The following APH1B variants were observed in gnomAD, a reference collection of about 807,000 sequenced individuals.
The protein encoded by APH1B is gamma-secretase subunit APH-1B.
APH1B carries 27 observed loss-of-function variants against 28.2 expected under a neutral mutation model. The ratio of observed to expected loss-of-function variants is 0.96; its 90% confidence interval spans 0.70 to 1.32. APH1B has a LOEUF of 1.32. APH1B is among the 40% of genes most tolerant of loss of function. APH1B has a pLI of 0.00. For missense variants in APH1B, 305 were observed against 313.6 expected (o/e 0.97, Z 0.21); for synonymous variants, 141 against 124.6 (o/e 1.13, Z -0.88).
chr15:63,284,184 G>A (rs2038420708), intron 2 of APH1B, among the ~76,000 whole-genome samples: 1 of 149,566 alleles, frequency 6.7e-6, no homozygotes, highest in Admixed American at 6.6e-5. Flanking sequence ...TCATTATGAA[G>A]TATTATATAC....
intron 4 of APH1B, among the ~76,000 whole-genome samples, chr15:63,296,158 C>T (rs567241799): frequency 6.6e-6 from 1 of 152,302 alleles, no homozygotes; most frequent in East Asian, 1.9e-4. Flanking sequence ...CTCTGGGGCC[C>T]GACTCCCACT....
rs535243758 is a variant in APH1B, at chr15:63,301,667, C to T, written c.479-678C>T. ...CATGATCTCAGCTCACTGCAACTTC[C>T]GCCTCCCGGGTTCAAGTAATTCTCC... On this transcript the variant is annotated intron_variant, in intron 4 of 5. Transcript: ENST00000261879. Among the ~76,000 whole-genome samples, 11 of 152,036 alleles carry T rather than the reference C, an allele frequency of 7.2e-5. No homozygotes were observed. In the South Asian group the frequency reaches 1.7e-3, roughly 23 times the overall value.
Position 63,305,950 on chromosome 15 carries a change from C to A in APH1B, c.*169C>A. 2.3e-6 allele frequency: 2 copies of A among 871,952 alleles called. No individual in the cohort carries two copies. Among genetic ancestry groups the A allele is most frequent in the Non-Finnish European group, 3.4e-6 (2 of 593,064 alleles). 54.0% of individuals were successfully genotyped at this position (871,952 alleles called of 1,614,324 possible). A position where few individuals can be genotyped will look rare whatever the true frequency, so the allele number is the denominator to read the frequency against. On this transcript the variant is annotated 3_prime_UTR_variant, in exon 6 of 6. Coordinates refer to ENST00000261879, the MANE Select transcript of APH1B (RefSeq NM_031301.4). ...ACACAACTGCTCTCCGAAAGGGGTG[C>A]TCAGTGGTGTGCGTCCTGGCTGCAC...
At chr15:63,289,290 G>C (rs1359598715) in intron 4 of APH1B, among the ~76,000 whole-genome samples, 1 of 152,028 alleles carries the variant, frequency 6.6e-6, no homozygotes, top group Non-Finnish European at 1.5e-5. Flanking sequence ...AAATTAATTT[G>C]TATTACATTT....
intron 5 of APH1B, among the ~76,000 whole-genome samples, chr15:63,303,780 A>G (rs1246924039): frequency 6.6e-6 from 1 of 152,056 alleles, no homozygotes; most frequent in African/African-American, 2.4e-5. Flanking sequence ...GGCATGAGCC[A>G]CCACCCCTGG....
intron 2 of APH1B, among the ~76,000 whole-genome samples, chr15:63,279,650 C>A (rs2152591380): frequency 6.6e-6 from 1 of 152,236 alleles, no homozygotes; most frequent in Admixed American, 6.5e-5. Flanking sequence ...TAGGAAGAGA[C>A]AGACAATAAA....
In APH1B at chr15:63,277,703, C is replaced by G; in HGVS notation, c.80C>G (p.Thr27Ser). The G allele has an allele frequency of 1.2e-6, 2 of 1,611,226 alleles. No individual in the cohort carries two copies. The highest frequency in any genetic ancestry group is 1.7e-6 in the Non-Finnish European group (2 of 1,178,694). Residue 27 changes from threonine (T) to serine (S), a missense_variant, in exon 1 of 6, where the codon ACC becomes AGC. Thr to Ser is a moderately conservative substitution (Grantham distance 58). Transcript: ENST00000261879. ...GCCCTTTATGTCTTCACCATCGCCA[C>G]CGAGCCGTTGCGTATCATCTTCCTC... ...ALALYVFTIA[T>S]EPLRIIFLIA...
Position 63,277,714 on chromosome 15 carries a change from C to G in APH1B, c.91C>G (p.Arg31Gly). 1.2e-6 allele frequency: 2 copies of G among 1,611,142 alleles called. No individual in the cohort carries two copies. The highest frequency in any genetic ancestry group is 2.2e-5 in the South Asian group (2 of 90,924). ...CTTCACCATCGCCACCGAGCCGTTG[C>G]GTATCATCTTCCTCATCGCCGGGTG... ...YVFTIATEPL[R>G]IIFLIAGAFF... is the part of the protein sequence containing the mutation. The change falls in exon 1 of 6, where the codon CGT (arginine) becomes GGT (glycine). Residue 31 changes from arginine (R) to glycine (G), a missense_variant. Arg to Gly is a moderately radical substitution (Grantham distance 125). Transcript: ENST00000261879.
chr15:63,279,739 C>G (rs1051988844), intron 2 of APH1B, among the ~76,000 whole-genome samples: 1 of 151,162 alleles, frequency 6.6e-6, no homozygotes, highest in Admixed American at 6.6e-5. Context: ...AAAACAACTA[C>G]AGAAATCATT....
intron 4 of APH1B, among the ~76,000 whole-genome samples, chr15:63,292,468 T>TA (rs1404449325): frequency 6.6e-6 from 1 of 152,216 alleles, no homozygotes; most frequent in African/African-American, 2.4e-5. Context: ...TAGCTCTCTA[T>TA]AACCTTGAAC....
At chr15:63,279,138 AC>A in intron 1 of APH1B, 22 bp from the exon 2 acceptor site, 1 of 1,566,468 alleles carries the variant, frequency 6.4e-7, no homozygotes, top group South Asian at 1.2e-5. Flanking sequence ...TTCACTTGTA[AC>A]TTTTTTTCCC....
chr15:63,305,506 C>G, intron 5 of APH1B, 108 bp from the exon 6 acceptor site: 2 of 1,314,930 alleles, frequency 1.5e-6, no homozygotes, highest in Non-Finnish European at 2.1e-6. Context: ...TTTGGTGAAA[C>G]ACACCCAAGT....
intron 4 of APH1B, among the ~76,000 whole-genome samples, chr15:63,296,235 G>A (rs1398414180): frequency 6.6e-6 from 1 of 152,202 alleles, no homozygotes; most frequent in Admixed American, 6.5e-5. Context: ...GGATGGAGGA[G>A]TGTCTCCTGC....
intron 2 of APH1B, among the ~76,000 whole-genome samples, chr15:63,281,383 T>C (rs1005048255): frequency 6.7e-6 from 1 of 150,330 alleles, no homozygotes; most frequent in Non-Finnish European, 1.5e-5. Context: ...TTGCCTGTGC[T>C]CAGAACCCAG....
chr15:63,299,435 T>C (rs949377697), intron 4 of APH1B, among the ~76,000 whole-genome samples: 1 of 151,600 alleles, frequency 6.6e-6, no homozygotes, highest in African/African-American at 2.4e-5. Flanking sequence ...GATGGAGTCT[T>C]GCTCTGTCAC....
rs773968829 is a variant in APH1B at position 63,277,661 on chromosome 15, C to T, written c.38C>T (p.Ala13Val). 2 of 1,606,294 alleles carry T rather than the reference C, an allele frequency of 1.2e-6. No homozygotes were observed. The highest frequency in any genetic ancestry group is 4.6e-5 in the East Asian group (2 of 43,674). The change falls in exon 1 of 6, where the codon GCC (alanine) becomes GTC (valine). Residue 13 changes from alanine to valine, a missense_variant. Transcript: ENST00000261879. ...GTGTTCTTCGGCTGCGCCTTCATTG[C>T]CTTCGGGCCTGCGCTCGCCCTTTAT... ...AAVFFGCAFI[A>V]FGPALALYVF... is the part of the protein sequence containing the mutation.
intron 4 of APH1B, among the ~76,000 whole-genome samples, chr15:63,301,504 A>T (rs1274056306): frequency 6.6e-6 from 1 of 152,148 alleles, no homozygotes; most frequent in African/African-American, 2.4e-5. Flanking sequence ...CCCAGAAAAA[A>T]CCTGGTGGTG....
rs565321903 is a variant in APH1B, at chr15:63,280,877, G to C, written c.284+1546G>C. On this transcript the variant is annotated intron_variant, in intron 2 of 5. Coordinates refer to ENST00000261879, the MANE Select transcript of APH1B (RefSeq NM_031301.4). Reference sequence around the variant, plus strand: ...AACCACATCTACCTCTGCTGGGCTTGGTGGCTCATGCCTGTAACCCTGACA... The same window carrying C: ...AACCACATCTACCTCTGCTGGGCTTCGTGGCTCATGCCTGTAACCCTGACA... Among the ~76,000 whole-genome samples the C allele has an allele frequency of 2.6e-4, 40 of 152,306 alleles. No individual in the cohort carries two copies. In the South Asian group the frequency reaches 8.3e-3, roughly 32 times the overall value.
intron 1 of APH1B, chr15:63,278,142 A>G (rs1281825640): frequency 5.4e-6 from 2 of 369,872 alleles, no homozygotes; most frequent in African/African-American, 4.2e-5. Flanking sequence ...ACTTCCGCCT[A>G]TTAGAATCAC....
Sources: gnomAD v4.1 joint callset for allele counts (sites outside exome capture counted in the v4.1 genomes callset) on GRCh38, gnomAD v4.1.1 for gene constraint, MANE v1.5 for transcripts, NCBI Gene and HGNC (gene_info 2026-07-23, HGNC 2026-07-21) for gene names.